PCTP: variants seen among roughly 807,000 people sequenced by gnomAD.
PCTP encodes phosphatidylcholine transfer protein, also known as START domain-containing protein 2.
A neutral mutation model predicts 31.0 loss-of-function variants in PCTP; 27 were observed. The ratio of observed to expected loss-of-function variants is 0.87; its 90% confidence interval spans 0.64 to 1.20. The LOEUF (loss-of-function observed/expected upper bound fraction) is 1.20, where lower values mean the gene tolerates loss of function less well. PCTP is among the 50% of genes most tolerant of loss of function. The pLI is 0.00. For missense variants in PCTP, 287 were observed against 268.2 expected, an observed-to-expected ratio of 1.07 and a Z score of -0.49; for synonymous variants, 108 against 101.2, an observed-to-expected ratio of 1.07 and a Z score of -0.40.
chr17:55,779,763 T>G (rs1345816879), downstream of PCTP, among the ~76,000 whole-genome samples: 1 of 152,248 alleles, frequency 6.6e-6, no homozygotes, highest in Non-Finnish European at 1.5e-5. Context: ...TAAGCCCTAT[T>G]ACTTTGAATC....
chr17:55,794,139 A>C (rs1164124742), intron 3 of PCTP, among the ~76,000 whole-genome samples: 1 of 152,100 alleles, frequency 6.6e-6, no homozygotes, highest in Non-Finnish European at 1.5e-5. Flanking sequence ...GCATCATAAT[A>C]AATTAAACCA....
downstream of PCTP, among the ~76,000 whole-genome samples, chr17:55,845,580 T>C (rs962646654): frequency 6.6e-6 from 1 of 152,222 alleles, no homozygotes; most frequent in Non-Finnish European, 1.5e-5. Flanking sequence ...GGAAATTAAA[T>C]TATATTTGGG....
chr17:55,832,303 T>C (rs1905629030), intron 5 of PCTP, among the ~76,000 whole-genome samples: 1 of 152,226 alleles, frequency 6.6e-6, no homozygotes, highest in African/African-American at 2.4e-5. Context: ...GCACAAAGTA[T>C]CATGCTATTA....
the PCTP span, among the ~76,000 whole-genome samples, chr17:55,848,083 C>T: frequency 2.1e-3 from 318 of 152,178 alleles, no homozygotes; most frequent in Non-Finnish European, 3.1e-3. Context: ...CCACCACACC[C>T]GGCTAATTTT....
chr17:55,797,148 C>A (rs1205021208), intron 3 of PCTP, among the ~76,000 whole-genome samples: 1 of 151,918 alleles, frequency 6.6e-6, no homozygotes, highest in East Asian at 1.9e-4. Flanking sequence ...CACAGAAAAA[C>A]AAAAGGGATT....
chr17:55,784,469 TAATA>T (rs1374159695), intron 2 of PCTP, among the ~76,000 whole-genome samples: 3 of 152,106 alleles, frequency 2.0e-5, no homozygotes, highest in African/African-American at 7.2e-5. Context: ...ACCATAATAA[TAATA>T]ATATCAATGA....
chr17:55,838,944 A>G (rs564849396), intron 5 of PCTP, among the ~76,000 whole-genome samples: 2 of 152,296 alleles, frequency 1.3e-5, no homozygotes, highest in East Asian at 3.9e-4. Context: ...ACTGGAAGGC[A>G]TTTGATCTAA....
intron 3 of PCTP, among the ~76,000 whole-genome samples, chr17:55,817,735 A>G (rs1912970567): frequency 6.6e-6 from 1 of 152,236 alleles, no homozygotes; most frequent in Non-Finnish European, 1.5e-5. Context: ...CAGATTCCTC[A>G]GTTTGAAAGA....
chr17:55,795,982 G>T (rs999542542), intron 3 of PCTP, among the ~76,000 whole-genome samples: 12 of 152,004 alleles, frequency 7.9e-5, no homozygotes, highest in African/African-American at 2.9e-4. Flanking sequence ...TGGTGATAGA[G>T]ATGAAGGATC....
chr17:55,848,359 C>A, the PCTP span, among the ~76,000 whole-genome samples: 1 of 152,150 alleles, frequency 6.6e-6, no homozygotes, highest in African/African-American at 2.4e-5. Context: ...GATAGTACCT[C>A]ATAGGTGAGA....
At chr17:55,796,318 C>T (rs1912186980) in intron 3 of PCTP, among the ~76,000 whole-genome samples, 1 of 152,002 alleles carries the variant, frequency 6.6e-6, no homozygotes. Flanking sequence ...TTGGATTTCT[C>T]ATAGGGATAT....
intron 4 of PCTP, 66 bp from the exon 5 acceptor site, chr17:55,774,726 A>C: frequency 7.9e-7 from 1 of 1,269,058 alleles, no homozygotes; most frequent in Non-Finnish European, 1.2e-6. Context: ...AAGTTTGCAC[A>C]GTTTTGTTGC....
intron 3 of PCTP, among the ~76,000 whole-genome samples, chr17:55,818,333 C>A (rs1298871329): frequency 1.3e-5 from 2 of 152,212 alleles, no homozygotes; most frequent in Non-Finnish European, 2.9e-5. Context: ...ACTTTCCTAG[C>A]TCCTCCTGGC....
chr17:55,808,934 G>A (rs7216873), intron 3 of PCTP, among the ~76,000 whole-genome samples: 31,781 of 152,084 alleles, frequency 0.21, 3,871 homozygotes, highest in African/African-American at 0.34. Flanking sequence ...GTATTGGCCA[G>A]CTACTCTAAA....
chr17:55,805,874 C>G (rs1912562685), intron 3 of PCTP, among the ~76,000 whole-genome samples: 1 of 123,308 alleles, frequency 8.1e-6, no homozygotes, highest in South Asian at 2.3e-4. Flanking sequence ...TGGTCTCTCT[C>G]TCTCAATCTG....
downstream of PCTP, among the ~76,000 whole-genome samples, chr17:55,778,534 G>T (rs925483896): frequency 6.6e-6 from 1 of 151,580 alleles, no homozygotes; most frequent in Admixed American, 6.6e-5. Flanking sequence ...GAACCTGGAA[G>T]ACTAAATCCA....
downstream of PCTP, among the ~76,000 whole-genome samples, chr17:55,823,796 T>C (rs1406528595): frequency 6.6e-6 from 1 of 152,252 alleles, no homozygotes; most frequent in Non-Finnish European, 1.5e-5. Flanking sequence ...AGCCCCAGCC[T>C]GGCTTTCACT....
intron 1 of PCTP, among the ~76,000 whole-genome samples, chr17:55,756,024 C>T (rs1216379108): frequency 3.3e-5 from 5 of 152,228 alleles, no homozygotes; most frequent in African/African-American, 1.2e-4. Context: ...TAGACCAGGG[C>T]TGCCATGGGT....
At chr17:55,834,083 G>A (rs1905696956) in intron 5 of PCTP, among the ~76,000 whole-genome samples, 1 of 152,202 alleles carries the variant, frequency 6.6e-6, no homozygotes, top group Non-Finnish European at 1.5e-5. Flanking sequence ...AAGCCCCTGA[G>A]TCTCAGGAGC....
Sources: gnomAD v4.1 joint callset for allele counts (sites outside exome capture counted in the v4.1 genomes callset) on GRCh38, gnomAD v4.1.1 for gene constraint, MANE v1.5 for transcripts, NCBI Gene and HGNC (gene_info 2026-07-23, HGNC 2026-07-21) for gene names.